Variants in SAMD12 observed in about 807,000 individuals in gnomAD.
SAMD12 encodes sterile alpha motif domain-containing protein 12.
In SAMD12, 9 loss-of-function variants were observed where a neutral mutation model predicts 15.0. The ratio of observed to expected loss-of-function variants is 0.60; its 90% CI spans 0.36 to 1.05. The LOEUF (loss-of-function observed/expected upper bound fraction) is 1.05, where lower values mean the gene tolerates loss of function less well. Ranked by LOEUF, SAMD12 falls within the 50% of genes least tolerant of loss-of-function variation. SAMD12 has a pLI of 0.01. For missense variants in SAMD12, 230 were observed against 234.2 expected, an observed-to-expected ratio of 0.98 and a Z score of 0.12; for synonymous variants, 86 against 90.1, an observed-to-expected ratio of 0.96 and a Z score of 0.25.
rs565654656 is a variant in SAMD12, at chr8:118,341,289, G to A, written c.433+38271C>T. ...TAGAAAATGAGCCAGTGTATGCCTA[G>A]CTTAGCCTCACCTCTCGTATTTCAC... On this transcript the variant is annotated intron_variant, in intron 4 of 4. Coordinates refer to the SAMD12 transcript ENST00000409003. Among the ~76,000 whole-genome samples, 6 of 152,262 alleles carry A rather than the reference G, an allele frequency of 3.9e-5. No homozygotes were observed. The South Asian group carries it at 1.0e-3, about 26-fold the overall frequency.
At chr8:118,165,070 T>G in the SAMD12 span, among the ~76,000 whole-genome samples, 1 of 151,354 alleles carries the variant, frequency 6.6e-6, no homozygotes, top group South Asian at 2.1e-4. Context: ...TCAATTCTCA[T>G]GCTATCTGTC....
chr8:118,381,014 C>A (rs1250456401), intron 3 of SAMD12, among the ~76,000 whole-genome samples: 1 of 152,156 alleles, frequency 6.6e-6, no homozygotes, highest in Non-Finnish European at 1.5e-5. Context: ...GATCTTCATG[C>A]CATCAATGAA....
chr8:118,459,713 C>T (rs186809934), intron 2 of SAMD12, among the ~76,000 whole-genome samples: 70 of 152,292 alleles, frequency 4.6e-4, no homozygotes, highest in African/African-American at 1.4e-3. Flanking sequence ...AAAATGATGA[C>T]ATTTTATTAT....
At position 118,579,822 on chromosome 8, in the gene SAMD12, G is replaced by A. The variant is rs552889915; in HGVS notation, c.192+893C>T. Among the ~76,000 whole-genome samples the A allele has an allele frequency of 4.6e-5, 7 of 152,278 alleles. No homozygotes were observed. The South Asian group carries it at 1.5e-3, about 32-fold the overall frequency. Reference sequence around the variant, plus strand: ...AACTATATGAAGATTAATTTCCTCAGTGTCCAAGAGGAAAACTAATATGAG... The same window carrying A: ...AACTATATGAAGATTAATTTCCTCAATGTCCAAGAGGAAAACTAATATGAG... On this transcript the variant is annotated intron_variant, in intron 2 of 3. Transcript: ENST00000314727.
intron 1 of SAMD12, among the ~76,000 whole-genome samples, chr8:118,615,695 A>G (rs901913220): frequency 2.0e-5 from 3 of 152,216 alleles, no homozygotes; most frequent in African/African-American, 4.8e-5. Flanking sequence ...AGCATTACAG[A>G]ACACAGCTAC....
At chr8:118,439,619 T>C (rs1465790932) in intron 3 of SAMD12, among the ~76,000 whole-genome samples, 2 of 112,234 alleles carry the variant, frequency 1.8e-5, no homozygotes, top group African/African-American at 2.7e-5. Context: ...ACTTTTACAA[T>C]GGATGCTAAA....
chr8:118,365,402 A>C (rs1221626636), intron 4 of SAMD12, among the ~76,000 whole-genome samples: 2 of 152,182 alleles, frequency 1.3e-5, no homozygotes, highest in African/African-American at 4.8e-5. Context: ...GCCCTCACCC[A>C]TGTAGGTGGA....
chr8:118,362,144 G>T (rs1818532951), intron 4 of SAMD12, among the ~76,000 whole-genome samples: 1 of 151,870 alleles, frequency 6.6e-6, no homozygotes, highest in Non-Finnish European at 1.5e-5. Context: ...GAAAAGAAAA[G>T]GAGAAGAAAA....
At chr8:118,479,277 A>G (rs1314360282) in intron 2 of SAMD12, among the ~76,000 whole-genome samples, 4 of 152,040 alleles carry the variant, frequency 2.6e-5, no homozygotes, top group African/African-American at 9.7e-5. Context: ...CACCTGGATC[A>G]CTGTTATTAG....
chr8:118,197,431 A>G, exon 5 of SAMD12: 1 of 543,064 alleles, frequency 1.8e-6, no homozygotes, highest in East Asian at 3.0e-5. Context: ...AGTTATGCAC[A>G]GTGATGAAAA....
chr8:118,442,256 T>C (rs1822786586), intron 2 of SAMD12, among the ~76,000 whole-genome samples: 1 of 152,226 alleles, frequency 6.6e-6, no homozygotes, highest in African/African-American at 2.4e-5. Flanking sequence ...GTAGATCCCG[T>C]GTACATCCAC....
chr8:118,164,764 T>G, the SAMD12 span, among the ~76,000 whole-genome samples: 1 of 150,608 alleles, frequency 6.6e-6, no homozygotes, highest in Non-Finnish European at 1.5e-5. Flanking sequence ...ATAATGTCTG[T>G]TTTTTTGTTC....
chr8:118,392,182 A>G (rs1369047669), intron 3 of SAMD12, among the ~76,000 whole-genome samples: 1 of 152,200 alleles, frequency 6.6e-6, no homozygotes, highest in East Asian at 1.9e-4. Context: ...TAATCCCAGC[A>G]CTTTGGGAGG....
intron 4 of SAMD12, among the ~76,000 whole-genome samples, chr8:118,216,968 G>A (rs1005046884): frequency 4.6e-5 from 7 of 151,972 alleles, no homozygotes; most frequent in South Asian, 2.1e-4. Flanking sequence ...TTTCCTCTCC[G>A]CATTCATCGT....
chr8:118,531,288 A>T (rs2097364814), intron 2 of SAMD12, among the ~76,000 whole-genome samples: 1 of 152,148 alleles, frequency 6.6e-6, no homozygotes, highest in Non-Finnish European at 1.5e-5. Context: ...ATTGGTCTAT[A>T]TCTCTGTTTT....
Position 118,439,943 on chromosome 8 carries a change from A to G in SAMD12, c.211T>C (p.Ser71Pro), listed in dbSNP as rs1478596864. The change falls in exon 3 of 4, where the codon TCT becomes CCT. Residue 71 changes from serine to proline, a missense_variant. Physicochemically the swap from Ser to Pro is moderately conservative, Grantham distance 74. Coordinates refer to ENST00000314727, the MANE Select transcript of SAMD12 (RefSeq NM_207506.3). The part of the protein sequence containing the change: ...ETAKSATVKL[S>P]KPVALWTQQD... ...TGGGTCCATAGAGCCACCGGTTTAG[A>G]TAGCTTCACCGTAGCTGACTATAAA... 1 of 1,613,738 alleles carries G rather than the reference A, an allele frequency of 6.2e-7. No homozygotes were observed. Among genetic ancestry groups the G allele is most frequent in the African/African-American group, 1.3e-5 (1 of 75,040 alleles).
intron 2 of SAMD12, among the ~76,000 whole-genome samples, chr8:118,556,018 GA>G (rs1428911044): frequency 6.6e-6 from 1 of 152,166 alleles, no homozygotes; most frequent in East Asian, 1.9e-4. Flanking sequence ...TTAGAAAAAA[GA>G]AGAGGAATAA....
At chr8:118,135,444 T>C in the SAMD12 span, among the ~76,000 whole-genome samples, 1 of 152,128 alleles carries the variant, frequency 6.6e-6, no homozygotes. Flanking sequence ...CCTCCCAAAG[T>C]GCTGGGATTA....
At chr8:118,511,964 C>G (rs1354718256) in intron 2 of SAMD12, among the ~76,000 whole-genome samples, 1 of 152,170 alleles carries the variant, frequency 6.6e-6, no homozygotes, top group Non-Finnish European at 1.5e-5. Context: ...ATCTGCACCT[C>G]CAACCCTAAA....
Sources: gnomAD v4.1 joint callset for allele counts (sites outside exome capture counted in the v4.1 genomes callset) on GRCh38, gnomAD v4.1.1 for gene constraint, MANE v1.5 for transcripts, NCBI Gene and HGNC (gene_info 2026-07-23, HGNC 2026-07-21) for gene names.